MNAT1: variants seen among roughly 807,000 people sequenced by gnomAD.
MNAT1 encodes CDK-activating kinase assembly factor MAT1.
In MNAT1, 43 loss-of-function variants were observed where a neutral mutation model predicts 42.0. The ratio of observed to expected loss-of-function variants is 1.02; its 90% CI spans 0.80 to 1.32. The LOEUF (loss-of-function observed/expected upper bound fraction) is 1.32. MNAT1 is among the 40% of genes most tolerant of loss of function. MNAT1 has a pLI of 0.00. For synonymous variants in MNAT1, 118 were observed against 120.0 expected (o/e 0.98, Z 0.11); for missense variants, 306 against 350.4 (o/e 0.87, Z 1.01).
chr14:60,819,693 C>G (rs1050389116), intron 6 of MNAT1, among the ~76,000 whole-genome samples: 1 of 152,094 alleles, frequency 6.6e-6, no homozygotes, highest in Non-Finnish European at 1.5e-5. Context: ...GTTGTGGCAG[C>G]ACTACAAAGT....
intron 7 of MNAT1, among the ~76,000 whole-genome samples, chr14:60,957,217 T>C (rs188228647): frequency 1.2e-4 from 19 of 152,296 alleles, no homozygotes; most frequent in Admixed American, 1.1e-3. Flanking sequence ...ATCTTATAGT[T>C]ACGCTAGTCA....
At chr14:60,884,330 T>G (rs78484529) in intron 7 of MNAT1, among the ~76,000 whole-genome samples, 1 of 152,266 alleles carries the variant, frequency 6.6e-6, no homozygotes, top group African/African-American at 2.4e-5. Flanking sequence ...ATCATATGGT[T>G]TGGTCCTCAC....
intron 6 of MNAT1, among the ~76,000 whole-genome samples, chr14:60,842,828 G>A (rs902044513): frequency 1.3e-5 from 2 of 152,066 alleles, no homozygotes; most frequent in Non-Finnish European, 2.9e-5. Context: ...TCATAATTTA[G>A]TATAGGCTTC....
chr14:60,968,321 T>A lies in MNAT1; in HGVS notation c.902T>A (p.Phe301Tyr). 6.2e-7 allele frequency: 1 copy of A among 1,613,412 alleles called. No individual in the cohort carries two copies. Reference protein sequence around the residue: ...LACHRALQDAFSGLFWQPS With the variant: ...LACHRALQDAYSGLFWQPS Reference sequence around the variant, plus strand: ...TGTCACAGAGCACTACAGGATGCATTCAGTGGGCTTTTCTGGCAGCCCAGT... The same window carrying A: ...TGTCACAGAGCACTACAGGATGCATACAGTGGGCTTTTCTGGCAGCCCAGT... Residue 301 changes from phenylalanine to tyrosine, a missense_variant, in exon 8 of 8, where the codon TTC becomes TAC. Around this residue, in one of 3 missense-constraint regions of MNAT1, gnomAD observed 116 missense variants for 139.6 expected, o/e 0.83. Coordinates refer to ENST00000261245, the MANE Select transcript of MNAT1 (RefSeq NM_002431.4).
intron 7 of MNAT1, among the ~76,000 whole-genome samples, chr14:60,958,265 C>G (rs183951112): frequency 4.6e-5 from 7 of 152,278 alleles, no homozygotes; most frequent in African/African-American, 1.2e-4. Context: ...GTCTTTGTCC[C>G]TCATTGGTGA....
At chr14:60,896,771 C>T (rs2034966612) in intron 7 of MNAT1, among the ~76,000 whole-genome samples, 1 of 152,154 alleles carries the variant, frequency 6.6e-6, no homozygotes, top group Non-Finnish European at 1.5e-5. Context: ...CAGGCATGAG[C>T]CACCGCGCCT....
intron 4 of MNAT1, among the ~76,000 whole-genome samples, chr14:60,810,984 G>A (rs867300941): frequency 1.3e-5 from 2 of 152,032 alleles, no homozygotes; most frequent in East Asian, 3.9e-4. Context: ...CTATATTGCT[G>A]TCTATCTCTC....
intron 7 of MNAT1, among the ~76,000 whole-genome samples, chr14:60,947,044 C>T (rs148335778): frequency 6.6e-6 from 1 of 152,254 alleles, no homozygotes; most frequent in Non-Finnish European, 1.5e-5. Context: ...GCTCCACCCT[C>T]GTGAATTCAT....
At chr14:60,817,239 T>A (rs558843735) in intron 5 of MNAT1, among the ~76,000 whole-genome samples, 1 of 151,934 alleles carries the variant, frequency 6.6e-6, no homozygotes, top group East Asian at 1.9e-4. Context: ...TATTTTATTA[T>A]AAAATTCTTA....
At chr14:60,782,747 G>A (rs1007551595) in intron 1 of MNAT1, among the ~76,000 whole-genome samples, 5 of 152,248 alleles carry the variant, frequency 3.3e-5, no homozygotes, top group African/African-American at 1.2e-4. Flanking sequence ...GGAAACAGAG[G>A]CACAGAGAGG....
In MNAT1 at chr14:60,923,478, A is replaced by G. The variant is rs995041789; in HGVS notation, c.809+43643A>G. ...TACCTGTCTTAACCTACTATATCTT[A>G]TCTTTACATTTTATACTTTACATTA... On this transcript the variant is annotated intron_variant, in intron 7 of 7. Transcript: ENST00000261245. Among the ~76,000 whole-genome samples, 65 of 152,282 alleles carry G rather than the reference A, an allele frequency of 4.3e-4. 1 individual carries two copies. The highest frequency in any genetic ancestry group is 1.4e-3 in the African/African-American group (58 of 41,568).
At chr14:60,799,337 G>A (rs1281396338) in intron 3 of MNAT1, 2 of 985,214 alleles carry the variant, frequency 2.0e-6, no homozygotes, top group Middle Eastern at 5.2e-4. Context: ...AAGTTAGAAT[G>A]TAGACTGAGA....
chr14:60,965,276 G>A (rs2036661048), intron 7 of MNAT1, among the ~76,000 whole-genome samples: 1 of 152,126 alleles, frequency 6.6e-6, no homozygotes, highest in Admixed American at 6.5e-5. Context: ...TTATGACTAT[G>A]TTCAAGAAAT....
intron 7 of MNAT1, among the ~76,000 whole-genome samples, chr14:60,892,197 T>C (rs781094684): frequency 5.5e-4 from 84 of 152,282 alleles, no homozygotes; most frequent in Non-Finnish European, 8.7e-4. Flanking sequence ...TCAAGTCCTC[T>C]GTTTTATTTA....
At chr14:60,825,815 T>A (rs1392005227) in intron 6 of MNAT1, among the ~76,000 whole-genome samples, 2 of 152,160 alleles carry the variant, frequency 1.3e-5, no homozygotes, top group Non-Finnish European at 2.9e-5. Context: ...TTGTATGACC[T>A]AGGTAATTTA....
At chr14:60,755,894 T>C (rs1460704056) in intron 1 of MNAT1, among the ~76,000 whole-genome samples, 6 of 152,156 alleles carry the variant, frequency 3.9e-5, no homozygotes, top group Non-Finnish European at 7.4e-5. Context: ...CATTTTATGA[T>C]TACTCTGGGG....
chr14:60,785,728 T>A (rs1490314450), intron 1 of MNAT1, among the ~76,000 whole-genome samples: 3 of 152,214 alleles, frequency 2.0e-5, no homozygotes, highest in Non-Finnish European at 2.9e-5. Context: ...TTTAATTGAT[T>A]CACAAGAATG....
At chr14:60,830,707 ATAT>A (rs921126663) in intron 6 of MNAT1, among the ~76,000 whole-genome samples, 39 of 151,898 alleles carry the variant, frequency 2.6e-4, no homozygotes, top group African/African-American at 8.9e-4. Flanking sequence ...GTAGGAAATA[ATAT>A]TAGGTTTTTC....
intron 6 of MNAT1, among the ~76,000 whole-genome samples, chr14:60,860,827 G>A (rs998119398): frequency 4.6e-5 from 7 of 152,096 alleles, no homozygotes; most frequent in Admixed American, 2.0e-4. Context: ...ATATAGATGG[G>A]AAAGCTGTTG....
Sources: gnomAD v4.1 joint callset for allele counts (sites outside exome capture counted in the v4.1 genomes callset) on GRCh38, gnomAD v4.1.1 for gene constraint, gnomAD v4.1.1 regional missense constraint, MANE v1.5 for transcripts, NCBI Gene and HGNC (gene_info 2026-07-23, HGNC 2026-07-21) for gene names.